RIMS2: variants seen among roughly 807,000 people sequenced by gnomAD.
The protein encoded by RIMS2 is regulating synaptic membrane exocytosis 2.
In RIMS2, 59 loss-of-function variants were observed where a neutral mutation model predicts 174.4. That is an observed-to-expected ratio of 0.34 (90% CI 0.27 to 0.42). The LOEUF (loss-of-function observed/expected upper bound fraction) is 0.42, where lower values mean the gene tolerates loss of function less well. RIMS2 is among the 10% of genes least tolerant of loss of function. The pLI is 1.00. For synonymous variants in RIMS2, 606 were observed against 572.5 expected (o/e 1.06, Z -0.84); for missense variants, 1,620 against 1,666.3 (o/e 0.97, Z 0.48).
chr8:103,500,785 A>G, exon 1 of RIMS2: 4 of 646,176 alleles, frequency 6.2e-6, no homozygotes, highest in South Asian at 2.1e-5. Flanking sequence ...ATTTGTATGT[A>G]TTTGTCCCAG....
chr8:103,675,023 G>T (rs2096790335), intron 1 of RIMS2, among the ~76,000 whole-genome samples: 1 of 152,122 alleles, frequency 6.6e-6, no homozygotes, highest in Non-Finnish European at 1.5e-5. Flanking sequence ...TGATTCTCCT[G>T]CTTCAGCCTC....
At chr8:103,707,811 T>C (rs996616317) in intron 2 of RIMS2, among the ~76,000 whole-genome samples, 1 of 152,204 alleles carries the variant, frequency 6.6e-6, no homozygotes, top group African/African-American at 2.4e-5. Flanking sequence ...GCCACTGTAG[T>C]CAACAGGCGG....
chr8:104,063,577 A>G (rs1305630420), intron 19 of RIMS2, among the ~76,000 whole-genome samples: 1 of 152,210 alleles, frequency 6.6e-6, no homozygotes, highest in Non-Finnish European at 1.5e-5. Context: ...TGAAGTACTA[A>G]TCAATGCAAT....
chr8:103,590,250 G>A (rs2094185698), intron 1 of RIMS2, among the ~76,000 whole-genome samples: 1 of 151,156 alleles, frequency 6.6e-6, no homozygotes, highest in Non-Finnish European at 1.5e-5. Context: ...ACAAAAAAGA[G>A]AAAAACCTCA....
intron 1 of RIMS2, among the ~76,000 whole-genome samples, chr8:103,596,865 T>C (rs1212958682): frequency 6.6e-6 from 1 of 152,154 alleles, no homozygotes; most frequent in Non-Finnish European, 1.5e-5. Flanking sequence ...TGTTATTTTG[T>C]AATAATTGCA....
intron 19 of RIMS2, among the ~76,000 whole-genome samples, chr8:104,099,475 C>T (rs2097828979): frequency 6.6e-6 from 1 of 152,140 alleles, no homozygotes; most frequent in Non-Finnish European, 1.5e-5. Context: ...GCATAACACT[C>T]AACTGGGAAC....
intron 3 of RIMS2, among the ~76,000 whole-genome samples, chr8:103,804,995 A>G (rs1196985774): frequency 6.6e-6 from 1 of 151,924 alleles, no homozygotes; most frequent in African/African-American, 2.4e-5. Context: ...GGGTCTGACT[A>G]TGTTGCCCAG....
chr8:103,955,393 T>C (rs2086815695), intron 14 of RIMS2, among the ~76,000 whole-genome samples: 1 of 152,142 alleles, frequency 6.6e-6, no homozygotes, highest in Admixed American at 6.5e-5. Flanking sequence ...ATCAAGAAGG[T>C]TGTCCACCAC....
chr8:103,912,207 A>G, intron 6 of RIMS2, 35 bp downstream of exon 9: 1 of 1,540,272 alleles, frequency 6.5e-7, no homozygotes, highest in Non-Finnish European at 8.9e-7. Flanking sequence ...TTGGCTCTAT[A>G]CTCTTACAGA....
At chr8:103,602,791 G>T (rs1034847155) in intron 1 of RIMS2, among the ~76,000 whole-genome samples, 9 of 152,066 alleles carry the variant, frequency 5.9e-5, no homozygotes, top group Non-Finnish European at 1.3e-4. Flanking sequence ...CTATGGTAGA[G>T]GAATTTATAT....
intron 1 of RIMS2, among the ~76,000 whole-genome samples, chr8:103,689,710 A>T (rs1397706247): frequency 6.6e-6 from 1 of 152,124 alleles, no homozygotes; most frequent in Non-Finnish European, 1.5e-5. Flanking sequence ...TTGCAATAGG[A>T]AATCACGTGA....
intron 17 of RIMS2, among the ~76,000 whole-genome samples, chr8:103,995,096 C>T (rs17817783): frequency 6.6e-6 from 1 of 151,788 alleles, no homozygotes; most frequent in African/African-American, 2.4e-5. Flanking sequence ...TTAAATATTT[C>T]CTTACATAGG....
intron 1 of RIMS2, among the ~76,000 whole-genome samples, chr8:103,627,700 G>T (rs758547403): frequency 5.9e-5 from 9 of 152,206 alleles, no homozygotes; most frequent in Admixed American, 2.6e-4. Context: ...TCCTTTAAGA[G>T]TTCATCAAGA....
chr8:104,158,821 A>G (rs531793400), intron 19 of RIMS2, among the ~76,000 whole-genome samples: 5 of 152,274 alleles, frequency 3.3e-5, no homozygotes, highest in African/African-American at 1.2e-4. Flanking sequence ...ATAGATTGCA[A>G]AAATTTTCTC....
At chr8:103,794,117 A>G (rs1178113654) in intron 3 of RIMS2, among the ~76,000 whole-genome samples, 3 of 152,188 alleles carry the variant, frequency 2.0e-5, no homozygotes, top group African/African-American at 4.8e-5. Flanking sequence ...AAGAGCCCAC[A>G]TTGCCATGAC....
At position 103,827,537 on chromosome 8, in the gene RIMS2, A is replaced by C. The variant is rs529004281; in HGVS notation, c.699-57761A>C. ...GTCTCTTTGTTAAATAATAGTTTTT[A>C]AAAAATAATCACGAATGGGTTGGGC... On this transcript the variant is annotated intron_variant, in intron 3 of 23. Coordinates refer to ENST00000504942, the Ensembl canonical transcript of RIMS2. Among the ~76,000 whole-genome samples, 14 of 152,262 alleles carry C rather than the reference A, an allele frequency of 9.2e-5. No homozygotes were observed. The East Asian group carries it at 1.2e-3, about 13-fold the overall frequency.
intron 19 of RIMS2, among the ~76,000 whole-genome samples, chr8:104,136,331 T>G (rs913097347): frequency 6.6e-6 from 1 of 152,124 alleles, no homozygotes; most frequent in Non-Finnish European, 1.5e-5. Context: ...AAGTCTACAT[T>G]TTGGAGTTTT....
chr8:103,969,330 T>C (rs1280277307), intron 15 of RIMS2, among the ~76,000 whole-genome samples: 11 of 152,128 alleles, frequency 7.2e-5, no homozygotes, highest in Non-Finnish European at 2.9e-5. Flanking sequence ...ATTACAAATA[T>C]GTTATACCTT....
At chr8:104,209,683 G>C (rs916892894) in intron 19 of RIMS2, among the ~76,000 whole-genome samples, 2 of 152,142 alleles carry the variant, frequency 1.3e-5, no homozygotes, top group African/African-American at 4.8e-5. Context: ...TGTGCCTGAA[G>C]TACTTAAGAT....
Sources: gnomAD v4.1 joint callset for allele counts (sites outside exome capture counted in the v4.1 genomes callset) on GRCh38, gnomAD v4.1.1 for gene constraint, MANE v1.5 for transcripts, NCBI Gene and HGNC (gene_info 2026-07-23, HGNC 2026-07-21) for gene names.